FAT3: variants seen among roughly 807,000 people sequenced by gnomAD.
FAT3 encodes the protein FAT atypical cadherin 3, also known as protocadherin Fat 3.
Under a neutral mutation model 310.2 loss-of-function variants are expected in FAT3, and 95 were observed. That is an observed-to-expected ratio of 0.31 (90% CI 0.26 to 0.36). The LOEUF (loss-of-function observed/expected upper bound fraction) is 0.36. Among genes scored for constraint, FAT3 ranks in the 10% least tolerant of loss-of-function variants. FAT3 has a pLI of 1.00. For missense variants in FAT3, 5,408 were observed against 5,715.6 expected (o/e 0.95, Z 1.74); for synonymous variants, 2,314 against 2,192.9 (o/e 1.06, Z -1.54).
At chr11:92,473,215 A>C in intron 2 of FAT3, among the ~76,000 whole-genome samples, 1 of 152,064 alleles carries the variant, frequency 6.6e-6, no homozygotes, top group African/African-American at 2.4e-5. Flanking sequence ...TATGTTCTTC[A>C]TGTTTGTATA....
In FAT3 at chr11:92,530,386, C is replaced by T. The variant is rs1285422888; in HGVS notation, c.3607+5438C>T. Among the ~76,000 whole-genome samples the T allele has an allele frequency of 3.3e-5, 5 of 152,088 alleles. No individual in the cohort carries two copies. In the East Asian group the frequency reaches 9.7e-4, roughly 30 times the overall value. ...GAGGTAACAAGGTGCCCAGAGACAC[C>T]TGAGGACAAGACAGCAAACTTTATG... On this transcript the variant is annotated intron_variant, in intron 3 of 27. Transcript: ENST00000525166.
chr11:92,798,482 T>G lies in FAT3; in HGVS notation c.5469T>G (p.Phe1823Leu). The G allele has an allele frequency of 1.2e-6, 2 of 1,613,708 alleles. No individual in the cohort carries two copies. The highest frequency in any genetic ancestry group is 1.7e-6 in the Non-Finnish European group (2 of 1,179,850). ...TTGTGGAGTCAACAGCAAAAAAGTT[T>G]TTCACGGTGGACTCCAGTACAGGTG... ...YQIVESTAKK[F>L]FTVDSSTGAI... is the part of the protein sequence containing the mutation. Residue 1823 changes from phenylalanine to leucine, a missense_variant, in exon 10 of 28, where the codon TTT becomes TTG. By Grantham distance (22) the Phe-to-Leu change is conservative. This residue lies in a region of FAT3 where 4,588 missense variants were observed against 4,809.8 expected (regional missense o/e 0.95). Coordinates refer to ENST00000525166, the MANE Select transcript of FAT3 (RefSeq NM_001367949.2).
chr11:92,807,889 A>G lies in FAT3; in HGVS notation c.9247+1374A>G, dbSNP rs937541890. Among the ~76,000 whole-genome samples the G allele has an allele frequency of 3.9e-5, 6 of 152,310 alleles. No individual in the cohort carries two copies. The South Asian group carries it at 1.0e-3, about 26-fold the overall frequency. ...TGTAGATTAGATGACCCATCCAATG[A>G]CATTTTAAATTTAAGCGTAAAGATT... On this transcript the variant is annotated intron_variant, in intron 12 of 27. Coordinates refer to ENST00000525166, the MANE Select transcript of FAT3 (RefSeq NM_001367949.2).
At chr11:92,796,544 G>T (rs1447864476) in intron 9 of FAT3, among the ~76,000 whole-genome samples, 5 of 152,254 alleles carry the variant, frequency 3.3e-5, no homozygotes, top group East Asian at 1.9e-4. Context: ...CTATTTTAAT[G>T]ATTTTAACAT....
chr11:92,319,923 G>A lies in FAT3; in HGVS notation c.-17-32173G>A, dbSNP rs534344098. Among the ~76,000 whole-genome samples, 119 of 152,266 alleles carry A rather than the reference G, an allele frequency of 7.8e-4. 1 individual carries two copies. The highest frequency in any genetic ancestry group is 2.8e-3 in the African/African-American group (117 of 41,552). Reference sequence around the variant, plus strand: ...TGAGGAAGACAGAGGGAGTTTTTATGGTCAAATCAGTTTGTCAAACACGGG... The same window carrying A: ...TGAGGAAGACAGAGGGAGTTTTTATAGTCAAATCAGTTTGTCAAACACGGG... On this transcript the variant is annotated intron_variant, in intron 1 of 27. Coordinates refer to ENST00000525166, the MANE Select transcript of FAT3 (RefSeq NM_001367949.2).
intron 13 of FAT3, among the ~76,000 whole-genome samples, chr11:92,820,266 C>T (rs779261462): frequency 6.6e-6 from 1 of 152,144 alleles, no homozygotes; most frequent in Non-Finnish European, 1.5e-5. Flanking sequence ...GGTTTGTAGA[C>T]AGCTCCTTCT....
chr11:92,558,042 C>G (rs1278997717), intron 3 of FAT3, among the ~76,000 whole-genome samples: 1 of 152,130 alleles, frequency 6.6e-6, no homozygotes, highest in East Asian at 1.9e-4. Context: ...GCTGCTGCCC[C>G]CTGGTTTGTG....
At chr11:92,738,438 C>T (rs1328904371) in intron 4 of FAT3, among the ~76,000 whole-genome samples, 1 of 152,126 alleles carries the variant, frequency 6.6e-6, no homozygotes, top group Non-Finnish European at 1.5e-5. Flanking sequence ...CTTCCGCATC[C>T]CTTTGTGATT....
chr11:92,882,621 C>A, intron 23 of FAT3, 117 bp from the exon 24 acceptor site: 6 of 528,976 alleles, frequency 1.1e-5, no homozygotes, highest in East Asian at 4.6e-5. Context: ...CCTGCTTCAT[C>A]TGTACCCTTT....
At chr11:92,876,555 C>T (rs537752687) in intron 22 of FAT3, among the ~76,000 whole-genome samples, 2 of 152,284 alleles carry the variant, frequency 1.3e-5, no homozygotes, top group East Asian at 1.9e-4. Flanking sequence ...CGTTTAAGGG[C>T]ATTCTTTTTC....
At chr11:92,570,601 A>T (rs1426488251) in intron 3 of FAT3, among the ~76,000 whole-genome samples, 1 of 152,188 alleles carries the variant, frequency 6.6e-6, no homozygotes, top group African/African-American at 2.4e-5. Flanking sequence ...AAGAAAACCT[A>T]TAGGTAAGAT....
chr11:92,735,395 G>A (rs185489710), intron 4 of FAT3, among the ~76,000 whole-genome samples: 1 of 152,224 alleles, frequency 6.6e-6, no homozygotes, highest in Non-Finnish European at 1.5e-5. Flanking sequence ...CATGAGGCTA[G>A]TGTCATAAAA....
chr11:92,416,383 C>CAA (rs60702258), intron 2 of FAT3, among the ~76,000 whole-genome samples: 2 of 107,952 alleles, frequency 1.9e-5, no homozygotes, highest in South Asian at 3.2e-4. Flanking sequence ...GACTCCATCT[C>CAA]AAAAAAAAAA....
intron 3 of FAT3, among the ~76,000 whole-genome samples, chr11:92,577,316 C>T (rs1938534581): frequency 6.6e-6 from 1 of 151,926 alleles, no homozygotes; most frequent in Admixed American, 6.6e-5. Flanking sequence ...ACCATTTTGA[C>T]CAGGCTGAAC....
At chr11:92,779,186 A>G (rs1946674815) in intron 7 of FAT3, among the ~76,000 whole-genome samples, 1 of 152,136 alleles carries the variant, frequency 6.6e-6, no homozygotes, top group Non-Finnish European at 1.5e-5. Flanking sequence ...ACCCATAAGG[A>G]GCAGGAATAA....
intron 1 of FAT3, among the ~76,000 whole-genome samples, chr11:92,329,854 GT>G (rs1332992925): frequency 1.3e-5 from 1 of 77,310 alleles, no homozygotes; most frequent in Admixed American, 1.4e-4. Flanking sequence ...AACCTTGACA[GT>G]TTCTGCAGTA....
Position 92,882,890 on chromosome 11 carries a change from C to A in FAT3, c.12434C>A (p.Ala4145Asp), listed in dbSNP as rs2136410224. ...CCCGTGGTGGTACCCAATATCCAGG[C>A]TGGCCACTCCTACGTGGGGAAGGAG... ...LRPVVVPNIQ[A>D]GHSYVGKEEL... Residue 4145 changes from alanine (A) to aspartate (D), a missense_variant, in exon 24 of 28, where the codon GCT becomes GAT. Physicochemically the swap from Ala to Asp is moderately radical, Grantham distance 126. This residue lies in a region of FAT3 where 649 missense variants were observed against 666.2 expected (regional missense o/e 0.97). Coordinates refer to ENST00000525166, the MANE Select transcript of FAT3 (RefSeq NM_001367949.2). 1 of 1,612,598 alleles carries A rather than the reference C, an allele frequency of 6.2e-7. No homozygotes were observed. Among genetic ancestry groups the A allele is most frequent in the Non-Finnish European group, 8.5e-7 (1 of 1,179,456 alleles).
intron 1 of FAT3, among the ~76,000 whole-genome samples, chr11:92,288,429 A>C (rs757920138): frequency 8.5e-5 from 13 of 152,126 alleles, no homozygotes; most frequent in African/African-American, 1.2e-4. Context: ...TCTGTTTTAG[A>C]GATGAGGAAA....
At position 92,880,768 on chromosome 11, in the gene FAT3, A is replaced by G. The variant is rs761436099; in HGVS notation, c.12165A>G (p.Arg4055=). 1.7e-5 allele frequency: 27 copies of G among 1,613,802 alleles called. No homozygotes were observed. Among genetic ancestry groups the G allele is most frequent in the Non-Finnish European group, 2.1e-5 (25 of 1,179,876 alleles). ...QCTCLSQFTG[R]NCESEITACF... ...CCTGTCTCTCACAGTTTACGGGGAG[A>G]AACTGTGAATCTGAGATTACAGCCT... Residue 4055 remains arginine (R), a synonymous_variant, in exon 23 of 28, where the codon AGA becomes AGG. Transcript: ENST00000525166.
Sources: allele counts gnomAD v4.1 joint callset (sites outside exome capture counted in the v4.1 genomes callset), GRCh38; gene constraint gnomAD v4.1.1; regional missense constraint gnomAD v4.1.1; transcripts MANE v1.5; gene names NCBI Gene and HGNC (gene_info 2026-07-23, HGNC 2026-07-21).